The following CNTNAP2 variants were observed in gnomAD, a reference collection of about 807,000 sequenced individuals.
The protein encoded by CNTNAP2 is contactin associated protein 2.
CNTNAP2 carries 98 observed loss-of-function variants against 155.2 expected under a neutral mutation model. That is an observed-to-expected ratio of 0.63 (90% CI 0.54 to 0.75). CNTNAP2 has a LOEUF of 0.75. CNTNAP2 is among the 30% of genes least tolerant of loss of function. The probability of loss-of-function intolerance (pLI) is 0.00; values close to 1 mark genes in which losing one functional copy is unlikely to be tolerated. For synonymous variants in CNTNAP2, 651 were observed against 631.2 expected (o/e 1.03, Z -0.47); for missense variants, 1,727 against 1,688.1 (o/e 1.02, Z -0.40).
At chr7:146,372,454 T>C (rs1166760860) in intron 1 of CNTNAP2, among the ~76,000 whole-genome samples, 1 of 150,080 alleles carries the variant, frequency 6.7e-6, no homozygotes, top group Non-Finnish European at 1.5e-5. Flanking sequence ...GTCTACTTTT[T>C]AATTTATTTG....
At position 146,281,792 on chromosome 7, in the gene CNTNAP2, TAA is replaced by T. The variant is rs112028494; in HGVS notation, c.97+164833_97+164834del. Among the ~76,000 whole-genome samples the T allele has an allele frequency of 2.2e-3, 309 of 140,370 alleles. 3 individuals carry two copies. The highest frequency in any genetic ancestry group is 7.3e-3 in the African/African-American group (281 of 38,726). The allele number at this position is 140,370 out of a possible 152,430, so 92.1% of individuals were successfully genotyped here. ...CCTGGCAACCAAGTGAGATTCCATC[TAA>T]AAAAAAAAAAAAATTACTTAATTTC... On this transcript the variant is annotated intron_variant, in intron 1 of 23. Transcript: ENST00000361727.
intron 13 of CNTNAP2, among the ~76,000 whole-genome samples, chr7:147,867,319 T>G (rs573844973): frequency 4.6e-5 from 7 of 152,244 alleles, no homozygotes; most frequent in Non-Finnish European, 1.0e-4. Flanking sequence ...AGAGATCCGC[T>G]GTTTGTCTGA....
At chr7:147,310,993 C>T (rs1480382262) in intron 9 of CNTNAP2, among the ~76,000 whole-genome samples, 2 of 152,130 alleles carry the variant, frequency 1.3e-5, no homozygotes, top group Non-Finnish European at 2.9e-5. Flanking sequence ...TTGCCAAAAA[C>T]AGGCTAGAGT....
chr7:146,237,009 TC>T (rs1465420539), intron 1 of CNTNAP2, among the ~76,000 whole-genome samples: 2 of 152,100 alleles, frequency 1.3e-5, no homozygotes, highest in African/African-American at 4.8e-5. Context: ...TAAGCTAACT[TC>T]TATAAAGGGA....
At chr7:146,545,461 A>G (rs934516670) in intron 1 of CNTNAP2, among the ~76,000 whole-genome samples, 2 of 151,730 alleles carry the variant, frequency 1.3e-5, no homozygotes, top group African/African-American at 2.4e-5. Flanking sequence ...CATCTACATT[A>G]GGTATTTCTC....
At chr7:147,547,575 G>A (rs1174421233) in intron 11 of CNTNAP2, among the ~76,000 whole-genome samples, 1 of 151,914 alleles carries the variant, frequency 6.6e-6, no homozygotes, top group Non-Finnish European at 1.5e-5. Flanking sequence ...ACTGGCATGA[G>A]GAGCTTTGTT....
intron 13 of CNTNAP2, among the ~76,000 whole-genome samples, chr7:147,836,878 A>T (rs1798642508): frequency 6.6e-6 from 1 of 152,226 alleles, no homozygotes; most frequent in East Asian, 1.9e-4. Flanking sequence ...ACATAGTCAT[A>T]ATTTGAAAAT....
At chr7:147,278,397 A>T (rs1038661597) in intron 8 of CNTNAP2, among the ~76,000 whole-genome samples, 1 of 151,776 alleles carries the variant, frequency 6.6e-6, no homozygotes, top group African/African-American at 2.4e-5. Context: ...CCATGTTTCA[A>T]ATATTTTCTC....
chr7:148,259,223 G>GTATGCACC (rs2116828864), intron 20 of CNTNAP2, among the ~76,000 whole-genome samples: 1 of 140,346 alleles, frequency 7.1e-6, no homozygotes, highest in East Asian at 2.2e-4. Flanking sequence ...AGGCATGGTG[G>GTATGCACC]TATGCACCTG....
chr7:146,720,493 T>G (rs906727065), intron 1 of CNTNAP2, among the ~76,000 whole-genome samples: 3 of 152,134 alleles, frequency 2.0e-5, no homozygotes, highest in Non-Finnish European at 4.4e-5. Flanking sequence ...TTCAGATGCC[T>G]ATAAGTAAAA....
intron 15 of CNTNAP2, among the ~76,000 whole-genome samples, chr7:148,085,278 A>G (rs1198438844): frequency 1.3e-5 from 2 of 152,238 alleles, no homozygotes; most frequent in African/African-American, 2.4e-5. Context: ...GGGCTATTAT[A>G]TAAAGCTCAG....
chr7:147,251,022 A>G (rs913216304), intron 8 of CNTNAP2, among the ~76,000 whole-genome samples: 1 of 152,052 alleles, frequency 6.6e-6, no homozygotes, highest in Non-Finnish European at 1.5e-5. Context: ...TTAGAAAAAG[A>G]CTCCATCTTA....
chr7:148,329,943 C>T (rs1391508278), intron 21 of CNTNAP2, among the ~76,000 whole-genome samples: 1 of 152,242 alleles, frequency 6.6e-6, no homozygotes, highest in Non-Finnish European at 1.5e-5. Flanking sequence ...CCCGTCTGGC[C>T]TGTTGGGCTT....
At chr7:146,983,572 C>G (rs1023659397) in intron 3 of CNTNAP2, among the ~76,000 whole-genome samples, 1 of 152,206 alleles carries the variant, frequency 6.6e-6, no homozygotes, top group South Asian at 2.1e-4. Flanking sequence ...GTGATACTCT[C>G]TTCCATATTA....
chr7:147,915,071 A>AAAAT (rs1289392224), intron 14 of CNTNAP2, among the ~76,000 whole-genome samples: 1 of 152,232 alleles, frequency 6.6e-6, no homozygotes, highest in African/African-American at 2.4e-5. Context: ...TTTAGAAATT[A>AAAAT]AAATAAAAAA....
chr7:146,718,578 G>A (rs1467366442), intron 1 of CNTNAP2, among the ~76,000 whole-genome samples: 2 of 152,166 alleles, frequency 1.3e-5, no homozygotes, highest in African/African-American at 4.8e-5. Context: ...ATTAAAAATA[G>A]TGTTTTAATT....
rs1799070520 is a variant in CNTNAP2, at chr7:146,607,665, T to G, written c.98-166606T>G. 4.6e-5 allele frequency among the ~76,000 whole-genome samples: 7 copies of G among 151,994 alleles called. No individual in the cohort carries two copies. In the South Asian group the frequency reaches 1.2e-3, roughly 27 times the overall value. ...TAATTTTTTAAAATTTTTATAGAGT[T>G]GGGGGTCTCACTATGTTACCTAGGC... On this transcript the variant is annotated intron_variant, in intron 1 of 23. Coordinates refer to ENST00000361727, the MANE Select transcript of CNTNAP2 (RefSeq NM_014141.6).
chr7:147,394,807 T>TTGTGTGTGTGTGTGTG (rs61695156), intron 9 of CNTNAP2, among the ~76,000 whole-genome samples: 26 of 139,284 alleles, frequency 1.9e-4, no homozygotes, highest in African/African-American at 7.1e-4. Flanking sequence ...ATCAACAGTA[T>TTGTGTGTGTGTGTGTG]TGTGTGTGTG....
At chr7:148,306,633 T>A (rs958436553) in intron 21 of CNTNAP2, among the ~76,000 whole-genome samples, 3 of 152,278 alleles carry the variant, frequency 2.0e-5, no homozygotes, top group Admixed American at 1.3e-4. Context: ...TTCCTTTTTT[T>A]AAATCATCTG....
Sources: allele counts gnomAD v4.1 joint callset (sites outside exome capture counted in the v4.1 genomes callset), GRCh38; gene constraint gnomAD v4.1.1; transcripts MANE v1.5; gene names NCBI Gene and HGNC (gene_info 2026-07-23, HGNC 2026-07-21).